The following SGCZ variants were observed in gnomAD, a reference collection of about 807,000 sequenced individuals.
SGCZ encodes sarcoglycan zeta.
SGCZ carries 40 observed loss-of-function variants against 41.3 expected under a neutral mutation model. That is an observed-to-expected ratio of 0.97 (90% CI 0.75 to 1.26). The LOEUF is 1.26. Among genes scored for constraint, SGCZ ranks in the 50% most tolerant of loss-of-function variants. The probability of loss-of-function intolerance (pLI) is 0.00; values close to 1 mark genes in which losing one functional copy is unlikely to be tolerated. For missense variants in SGCZ, 552 were observed against 369.8 expected, an observed-to-expected ratio of 1.49 and a Z score of -4.04; for synonymous variants, 206 against 137.5, an observed-to-expected ratio of 1.50 and a Z score of -3.49.
At chr8:14,507,408 G>T (rs571114678) in intron 2 of SGCZ, among the ~76,000 whole-genome samples, 1 of 151,852 alleles carries the variant, frequency 6.6e-6, no homozygotes, top group African/African-American at 2.4e-5. Flanking sequence ...ATCCACTGAA[G>T]TCTACCTGTA....
chr8:14,245,339 T>G (rs975271384), intron 3 of SGCZ, among the ~76,000 whole-genome samples: 19 of 152,150 alleles, frequency 1.2e-4, no homozygotes, highest in Non-Finnish European at 2.4e-4. Flanking sequence ...AAACAAGCAA[T>G]GGGGAAAGGA....
intron 4 of SGCZ, among the ~76,000 whole-genome samples, chr8:14,193,335 T>TG (rs1309641351): frequency 5.0e-4 from 1 of 1,988 alleles, no homozygotes; most frequent in East Asian, 0.056. Flanking sequence ...TGCAGCATGC[T>TG]ATTTTTTTTA....
At position 14,439,332 on chromosome 8, in the gene SGCZ, T is replaced by TCC. The variant is rs1800181809; in HGVS notation, c.235-115130_235-115129dup. ...AGAAATATATATATATATATATATCTCCTCATGGATTTTCTGGAAATTTCT... is the reference window on the plus strand; with the variant it reads ...AGAAATATATATATATATATATATCTCCCCTCATGGATTTTCTGGAAATTTCT... On this transcript the variant is annotated intron_variant, in intron 2 of 7. Coordinates refer to ENST00000382080, the MANE Select transcript of SGCZ (RefSeq NM_139167.4). 1.2e-4 allele frequency among the ~76,000 whole-genome samples: 18 copies of TCC among 149,748 alleles called. No homozygotes were observed. The South Asian group carries it at 3.5e-3, about 30-fold the overall frequency.
intron 4 of SGCZ, among the ~76,000 whole-genome samples, chr8:14,177,859 T>C (rs1222971150): frequency 1.3e-5 from 2 of 151,598 alleles, no homozygotes; most frequent in Admixed American, 6.6e-5. Flanking sequence ...GAATCTGCTG[T>C]TTTTAAACTA....
intron 1 of SGCZ, among the ~76,000 whole-genome samples, chr8:15,159,751 C>CG (rs1799454816): frequency 2.1e-5 from 1 of 46,718 alleles, no homozygotes; most frequent in Non-Finnish European, 4.8e-5. Flanking sequence ...CCCTCCCCCC[C>CG]ACCCCCGCCA....
At chr8:14,242,581 A>G (rs1798929774) in intron 3 of SGCZ, among the ~76,000 whole-genome samples, 2 of 152,170 alleles carry the variant, frequency 1.3e-5, no homozygotes, top group Non-Finnish European at 2.9e-5. Context: ...TGCAAAATGC[A>G]CAGATCAGAG....
chr8:14,762,377 T>C (rs1328269914), intron 1 of SGCZ, among the ~76,000 whole-genome samples: 2 of 151,776 alleles, frequency 1.3e-5, no homozygotes, highest in African/African-American at 4.8e-5. Flanking sequence ...GTAGTGTACT[T>C]TGGCAAATCA....
At chr8:14,337,128 G>A (rs1186826717) in intron 2 of SGCZ, among the ~76,000 whole-genome samples, 1 of 152,082 alleles carries the variant, frequency 6.6e-6, no homozygotes, top group African/African-American at 2.4e-5. Context: ...TTTAGAAGTA[G>A]GCCACCCCTC....
At chr8:14,450,708 C>G (rs888480774) in intron 2 of SGCZ, among the ~76,000 whole-genome samples, 2 of 152,098 alleles carry the variant, frequency 1.3e-5, no homozygotes, top group Admixed American at 1.3e-4. Flanking sequence ...TTTTAAGATT[C>G]TTAGAAAGTT....
In SGCZ at chr8:15,215,260, A is replaced by G. The variant is rs1448541427; in HGVS notation, c.39+22325T>C. On this transcript the variant is annotated intron_variant, in intron 1 of 7. Transcript: ENST00000382080. ...TTAATATGAATATTTCACTTTATGA[A>G]TATTTCACTTTATTAAAGTAGTTCT... 2.6e-5 allele frequency among the ~76,000 whole-genome samples: 4 copies of G among 152,210 alleles called. No individual in the cohort carries two copies. The South Asian group carries it at 6.2e-4, about 24-fold the overall frequency.
rs80250177 is a variant in SGCZ, at chr8:15,076,568, A to T, written c.39+161017T>A. ...TCAATGAGATAGGCTTTTAGCTTTCATTTCCTGTTGTTTACCACATCGGAC... is the reference window on the plus strand; with the variant it reads ...TCAATGAGATAGGCTTTTAGCTTTCTTTTCCTGTTGTTTACCACATCGGAC... On this transcript the variant is annotated intron_variant, in intron 1 of 7. Transcript: ENST00000382080. 3.0e-3 allele frequency among the ~76,000 whole-genome samples: 457 copies of T among 152,172 alleles called. 4 individuals carry two copies. Among genetic ancestry groups the T allele is most frequent in the African/African-American group, 0.011 (441 of 41,498 alleles).
At chr8:14,649,730 C>T (rs571701038) in intron 1 of SGCZ, among the ~76,000 whole-genome samples, 10 of 152,126 alleles carry the variant, frequency 6.6e-5, no homozygotes, top group African/African-American at 1.9e-4. Context: ...ACCTGTCTAC[C>T]ACCTGAAACA....
chr8:15,117,720 T>C (rs1210174880), intron 1 of SGCZ, among the ~76,000 whole-genome samples: 1 of 152,220 alleles, frequency 6.6e-6, no homozygotes, highest in Non-Finnish European at 1.5e-5. Flanking sequence ...TATTCCCCTA[T>C]GGATAAATAA....
At chr8:14,447,377 T>TA (rs1037183436) in intron 2 of SGCZ, among the ~76,000 whole-genome samples, 3 of 152,124 alleles carry the variant, frequency 2.0e-5, no homozygotes, top group Non-Finnish European at 4.4e-5. Context: ...GTTACTTGGG[T>TA]AAAAAATTCA....
At chr8:14,484,726 C>T (rs7846404) in intron 2 of SGCZ, among the ~76,000 whole-genome samples, 137,594 of 152,026 alleles carry the variant, frequency 0.91, 63,621 homozygotes, top group East Asian at 1. Context: ...AAATATTGTG[C>T]CCATATTTAT....
At chr8:14,602,010 C>G (rs1008672774) in intron 1 of SGCZ, among the ~76,000 whole-genome samples, 12 of 152,028 alleles carry the variant, frequency 7.9e-5, no homozygotes, top group African/African-American at 2.9e-4. Flanking sequence ...GTCCCAGCTA[C>G]TCGGGAGGCT....
chr8:14,636,895 T>G (rs1402612469), intron 1 of SGCZ, among the ~76,000 whole-genome samples: 1 of 151,918 alleles, frequency 6.6e-6, no homozygotes, highest in Non-Finnish European at 1.5e-5. Flanking sequence ...AAATGTTTTA[T>G]TACTAAATCT....
At chr8:14,618,650 A>C (rs955972102) in intron 1 of SGCZ, among the ~76,000 whole-genome samples, 10 of 152,212 alleles carry the variant, frequency 6.6e-5, no homozygotes, top group African/African-American at 2.4e-4. Flanking sequence ...GATTTTAAAG[A>C]GCGGGATAAC....
intron 4 of SGCZ, among the ~76,000 whole-genome samples, chr8:14,191,811 C>G (rs1805111975): frequency 1.3e-5 from 2 of 152,098 alleles, no homozygotes; most frequent in African/African-American, 4.8e-5. Context: ...AGCCCAGAGT[C>G]AAAGTTCATG....
Sources: gnomAD v4.1 joint callset for allele counts (sites outside exome capture counted in the v4.1 genomes callset) on GRCh38, gnomAD v4.1.1 for gene constraint, MANE v1.5 for transcripts, NCBI Gene and HGNC (gene_info 2026-07-23, HGNC 2026-07-21) for gene names.